Variants in SLCO1B3 observed in about 807,000 individuals in gnomAD.
SLCO1B3 encodes solute carrier organic anion transporter family member 1B3.
A neutral mutation model predicts 71.8 loss-of-function variants in SLCO1B3; 72 were observed. The observed-to-expected ratio is 1.00, with a 90% confidence interval of 0.83 to 1.22. The LOEUF (loss-of-function observed/expected upper bound fraction) is 1.22, where lower values mean the gene tolerates loss of function less well. SLCO1B3 is among the 50% of genes most tolerant of loss of function. The pLI is 0.00. For missense variants in SLCO1B3, 911 were observed against 819.7 expected (o/e 1.11, Z -1.36); for synonymous variants, 298 against 278.4 (o/e 1.07, Z -0.70).
Position 20,833,074 on chromosome 12 carries a change from A to G in SLCO1B3, c.84+17252A>G, listed in dbSNP as rs868075943. Among the ~76,000 whole-genome samples, 6 of 152,274 alleles carry G rather than the reference A, an allele frequency of 3.9e-5. 1 individual carries two copies. The highest frequency in any genetic ancestry group is 6.8e-3 in the Middle Eastern group (2 of 294). ...GACAATACACTTCTTTGTTTTCTCC[A>G]GTTTCTAGAGGCTGTCTGAATTCCT... is the stretch of plus-strand genomic sequence containing the variant. On this transcript the variant is annotated intron_variant, in intron 3 of 15. Coordinates refer to ENST00000381545, the MANE Select transcript of SLCO1B3 (RefSeq NM_019844.4).
At chr12:20,911,326 A>C (rs1866370079) in intron 15 of SLCO1B3, among the ~76,000 whole-genome samples, 1 of 152,136 alleles carries the variant, frequency 6.6e-6, no homozygotes, top group African/African-American at 2.4e-5. Flanking sequence ...CTAAATTGTT[A>C]ATGCAATGTC....
chr12:20,909,446 T>A (rs1265200901), intron 15 of SLCO1B3, among the ~76,000 whole-genome samples: 3 of 151,888 alleles, frequency 2.0e-5, no homozygotes, highest in Non-Finnish European at 2.9e-5. Flanking sequence ...GTGCTGGGAT[T>A]ACAGGTGTGA....
At chr12:20,818,070 G>A (rs1462239269) in intron 3 of SLCO1B3, among the ~76,000 whole-genome samples, 2 of 152,036 alleles carry the variant, frequency 1.3e-5, no homozygotes, top group East Asian at 3.9e-4. Flanking sequence ...AAGTTTTTTT[G>A]GGGCACAGTC....
intron 3 of SLCO1B3, among the ~76,000 whole-genome samples, chr12:20,818,716 C>T (rs1350085638): frequency 1.3e-5 from 2 of 152,224 alleles, no homozygotes; most frequent in African/African-American, 4.8e-5. Context: ...TATAGCATAG[C>T]CTGCCTTTGC....
Position 20,850,496 on chromosome 12 carries a change from A to G in SLCO1B3, c.85-4532A>G, listed in dbSNP as rs557044739. On this transcript the variant is annotated intron_variant, in intron 3 of 15. Transcript: ENST00000381545. ...ATGAGGTTTCACCGCATTAGCCAGG[A>G]TGGTCTCGATCTCCTGACCTCGTGA... 5.9e-5 allele frequency among the ~76,000 whole-genome samples: 9 copies of G among 151,820 alleles called. No homozygotes were observed. The East Asian group carries it at 1.8e-3, about 30-fold the overall frequency.
At chr12:20,847,035 T>G (rs1290445612) in intron 3 of SLCO1B3, among the ~76,000 whole-genome samples, 1 of 152,100 alleles carries the variant, frequency 6.6e-6, no homozygotes, top group Non-Finnish European at 1.5e-5. Flanking sequence ...TTCACAATTT[T>G]AATAAAAATA....
Position 20,883,544 on chromosome 12 carries a change from G to A in SLCO1B3, c.1624G>A (p.Val542Ile). ...RKFFIYVAIQ[V>I]INSLFSATGG... Reference sequence around the variant, plus strand: ...ATTTTTCATCTATGTTGCAATTCAAGTCATAAACTCTTTGTTCTCTGCAAC... The same window carrying A: ...ATTTTTCATCTATGTTGCAATTCAAATCATAAACTCTTTGTTCTCTGCAAC... The change falls in exon 13 of 16, where the codon GTC (valine) becomes ATC (isoleucine). Residue 542 changes from valine to isoleucine, a missense_variant. By Grantham distance (29) the Val-to-Ile change is conservative. Transcript: ENST00000381545. The A allele has an allele frequency of 6.2e-7, 1 of 1,604,416 alleles. No homozygotes were observed. The highest frequency in any genetic ancestry group is 8.5e-7 in the Non-Finnish European group (1 of 1,176,658).
intron 3 of SLCO1B3, among the ~76,000 whole-genome samples, chr12:20,849,202 A>G (rs761459847): frequency 3.3e-5 from 5 of 152,072 alleles, no homozygotes; most frequent in Non-Finnish European, 7.4e-5. Flanking sequence ...CCAACAGCAC[A>G]TTTAAAAGAT....
At chr12:20,839,953 C>T (rs1864761228) in intron 3 of SLCO1B3, among the ~76,000 whole-genome samples, 1 of 152,152 alleles carries the variant, frequency 6.6e-6, no homozygotes, top group Admixed American at 6.5e-5. Flanking sequence ...ATATGCTTGT[C>T]AAAGGAATTA....
intron 8 of SLCO1B3, among the ~76,000 whole-genome samples, chr12:20,869,055 G>A (rs1865427152): frequency 6.6e-6 from 1 of 152,146 alleles, no homozygotes; most frequent in Non-Finnish European, 1.5e-5. Context: ...ACAGGGAGAT[G>A]GTTAGGCCTC....
intron 3 of SLCO1B3, among the ~76,000 whole-genome samples, chr12:20,831,188 C>G (rs1864531517): frequency 6.6e-6 from 1 of 151,952 alleles, no homozygotes; most frequent in African/African-American, 2.4e-5. Context: ...GAAACCCTGT[C>G]TCTACTAAAA....
chr12:20,901,572 A>G, intron 15 of SLCO1B3, 105 bp downstream of exon 15: 3 of 604,634 alleles, frequency 5.0e-6, no homozygotes, highest in Non-Finnish European at 5.8e-6. Flanking sequence ...GATAGCTACC[A>G]TTTAGTGAAC....
chr12:20,813,734 A>C (rs1864144686), intron 2 of SLCO1B3, 96 bp downstream of exon 2: 1 of 151,760 alleles, frequency 6.6e-6, no homozygotes, highest in Admixed American at 6.6e-5. Context: ...AAACAAAAAC[A>C]TACATAAAAC....
At chr12:20,855,005 A>G in intron 3 of SLCO1B3, 23 bp from the exon 4 acceptor site, 10 of 1,602,632 alleles carry the variant, frequency 6.2e-6, no homozygotes, top group Non-Finnish European at 8.5e-6. Flanking sequence ...ACCAATTTTC[A>G]TTTTTTCTTC....
At chr12:20,854,556 C>A (rs564742195) in intron 3 of SLCO1B3, among the ~76,000 whole-genome samples, 11 of 152,268 alleles carry the variant, frequency 7.2e-5, no homozygotes, top group African/African-American at 2.4e-4. Context: ...ATACCTTTGT[C>A]TGTCTTGATA....
intron 15 of SLCO1B3, among the ~76,000 whole-genome samples, chr12:20,909,525 G>A (rs765650010): frequency 6.6e-6 from 1 of 151,408 alleles, no homozygotes; most frequent in Non-Finnish European, 1.5e-5. Flanking sequence ...TTTGTGGGGA[G>A]ATATATGTTA....
rs559232559 is a variant in SLCO1B3 at position 20,821,504 on chromosome 12, G to A, written c.84+5682G>A. ...AGCCCAGAGAAAAGAGTAGAGACAC[G>A]GAGAAGTGATGGGGGTTTCTTGCCC... On this transcript the variant is annotated intron_variant, in intron 3 of 15. Coordinates refer to ENST00000381545, the MANE Select transcript of SLCO1B3 (RefSeq NM_019844.4). 2.1e-3 allele frequency among the ~76,000 whole-genome samples: 313 copies of A among 152,198 alleles called. 1 individual carries two copies. The highest frequency in any genetic ancestry group is 7.3e-3 in the African/African-American group (304 of 41,524).
At chr12:20,848,421 CT>C (rs1347513867) in intron 3 of SLCO1B3, among the ~76,000 whole-genome samples, 1 of 152,150 alleles carries the variant, frequency 6.6e-6, no homozygotes, top group Non-Finnish European at 1.5e-5. Flanking sequence ...GTAAAACAAT[CT>C]GATAGTTTCT....
chr12:20,830,789 T>C (rs1207069854), intron 3 of SLCO1B3, among the ~76,000 whole-genome samples: 1 of 152,198 alleles, frequency 6.6e-6, no homozygotes, highest in Non-Finnish European at 1.5e-5. Flanking sequence ...TGATGAAATA[T>C]TTGAATAATA....
Sources: gnomAD v4.1 joint callset for allele counts (sites outside exome capture counted in the v4.1 genomes callset) on GRCh38, gnomAD v4.1.1 for gene constraint, MANE v1.5 for transcripts, NCBI Gene and HGNC (gene_info 2026-07-23, HGNC 2026-07-21) for gene names.